CPPED1: variants seen among roughly 807,000 people sequenced by gnomAD.
The protein encoded by CPPED1 is calcineurin like phosphoesterase domain containing 1, also known as serine/threonine-protein phosphatase CPPED1.
A neutral mutation model predicts 28.0 loss-of-function variants in CPPED1; 28 were observed. That is an observed-to-expected ratio of 1.00 (90% CI 0.74 to 1.37). The LOEUF is 1.37. Among genes scored for constraint, CPPED1 ranks in the 40% most tolerant of loss-of-function variants. The pLI is 0.00. For synonymous variants in CPPED1, 198 were observed against 180.2 expected (o/e 1.10, Z -0.79); for missense variants, 504 against 416.5 (o/e 1.21, Z -1.83).
At chr16:12,774,796 G>C (rs2080488410) in intron 2 of CPPED1, among the ~76,000 whole-genome samples, 1 of 151,882 alleles carries the variant, frequency 6.6e-6, no homozygotes, top group Non-Finnish European at 1.5e-5. Context: ...CATGAGAGTG[G>C]GACAGGGTGC....
At chr16:12,772,576 G>GA (rs1483866899) in intron 2 of CPPED1, among the ~76,000 whole-genome samples, 1 of 152,084 alleles carries the variant, frequency 6.6e-6, no homozygotes, top group Non-Finnish European at 1.5e-5. Flanking sequence ...TTTTCATATT[G>GA]AGTCTCTTTG....
At chr16:12,752,189 C>T (rs1036363541) in intron 2 of CPPED1, among the ~76,000 whole-genome samples, 1 of 152,060 alleles carries the variant, frequency 6.6e-6, no homozygotes, top group Non-Finnish European at 1.5e-5. Context: ...TAAAAAGGCT[C>T]CTGCTTTCTT....
chr16:12,766,395 A>G (rs1596477348), intron 2 of CPPED1, among the ~76,000 whole-genome samples: 2 of 151,810 alleles, frequency 1.3e-5, no homozygotes, highest in Non-Finnish European at 2.9e-5. Flanking sequence ...TTGGACTTAC[A>G]GCTTCACGTG....
rs141409688 is a variant in CPPED1 at position 12,696,295 on chromosome 16, G to A, written c.715+8329C>T. ...CGCAAGAAGGACGCCAGCACCCCAG[G>A]GGTGAGAAGCATGCCGGTCTAGCTA... On this transcript the variant is annotated intron_variant, in intron 3 of 3. Transcript: ENST00000381774. Among the ~76,000 whole-genome samples, 279 of 152,220 alleles carry A rather than the reference G, an allele frequency of 1.8e-3. 1 individual carries two copies. Among genetic ancestry groups the A allele is most frequent in the African/African-American group, 6.3e-3 (262 of 41,552 alleles).
At chr16:12,759,212 A>G (rs1009927062) in intron 2 of CPPED1, 20 of 151,178 alleles carry the variant, frequency 1.3e-4, no homozygotes, top group African/African-American at 4.8e-4. Context: ...CTAGAGAACC[A>G]GATTTAAAGC....
At chr16:12,675,739 G>A (rs1044239376) in intron 3 of CPPED1, among the ~76,000 whole-genome samples, 14 of 152,156 alleles carry the variant, frequency 9.2e-5, no homozygotes, top group Non-Finnish European at 1.6e-4. Context: ...CCAGCTTTAC[G>A]TTGCCAGCTA....
chr16:12,674,088 T>C (rs1050299016), intron 3 of CPPED1, among the ~76,000 whole-genome samples: 82 of 152,174 alleles, frequency 5.4e-4, no homozygotes, highest in African/African-American at 1.9e-3. Flanking sequence ...GAGAAACTAC[T>C]AGTGAGCAAA....
At chr16:12,673,675 T>C (rs995830693) in intron 3 of CPPED1, among the ~76,000 whole-genome samples, 1 of 152,166 alleles carries the variant, frequency 6.6e-6, no homozygotes, top group African/African-American at 2.4e-5. Context: ...TCACCAATTA[T>C]TGTTAACGTC....
chr16:12,738,423 T>TCA (rs776958497), intron 2 of CPPED1, among the ~76,000 whole-genome samples: 9 of 151,636 alleles, frequency 5.9e-5, no homozygotes, highest in Non-Finnish European at 1.3e-4. Context: ...ACTTTTATAA[T>TCA]CACACACACA....
intron 2 of CPPED1, among the ~76,000 whole-genome samples, chr16:12,769,414 G>A (rs1596478452): frequency 1.3e-5 from 2 of 152,122 alleles, no homozygotes; most frequent in African/African-American, 4.8e-5. Flanking sequence ...CACAAAATGG[G>A]TTAAGACGCC....
chr16:12,800,843 G>C (rs760539816), intron 1 of CPPED1, among the ~76,000 whole-genome samples: 1 of 151,744 alleles, frequency 6.6e-6, no homozygotes, highest in Admixed American at 6.6e-5. Context: ...CCCTCCCTTC[G>C]TGGCCCAGTT....
chr16:12,801,922 G>C (rs1389968211), intron 1 of CPPED1, among the ~76,000 whole-genome samples: 5 of 151,772 alleles, frequency 3.3e-5, no homozygotes. Context: ...AGAGAATGAG[G>C]AGAAAAGCTG....
chr16:12,801,204 C>T (rs1370078587), intron 1 of CPPED1, among the ~76,000 whole-genome samples: 1 of 152,198 alleles, frequency 6.6e-6, no homozygotes, highest in Non-Finnish European at 1.5e-5. Flanking sequence ...GGCAATTCTC[C>T]TGCCATAGCC....
At chr16:12,726,374 A>C (rs1321330887) in intron 2 of CPPED1, among the ~76,000 whole-genome samples, 13 of 117,572 alleles carry the variant, frequency 1.1e-4, no homozygotes, top group East Asian at 7.5e-4. Context: ...ACAGAGTCTC[A>C]CTCTGTTGCC....
rs141726115 is a variant in CPPED1, at chr16:12,661,608, G to C, written c.*3278C>G. On this transcript the variant is annotated 3_prime_UTR_variant, in exon 4 of 4. Transcript: ENST00000381774. ...TTCCTCCAATTAAAGTGATTAATTG[G>C]AAAGGGGAGCATTAGGTGACATTCC... The C allele has an allele frequency of 3.3e-4, 50 of 152,354 alleles. No individual in the cohort carries two copies. The highest frequency in any genetic ancestry group is 1.1e-3 in the African/African-American group (44 of 41,584). 9.4% of individuals were successfully genotyped at this position (152,354 alleles called of 1,614,324 possible).
chr16:12,751,079 A>C (rs1339037721), intron 2 of CPPED1, among the ~76,000 whole-genome samples: 1 of 152,194 alleles, frequency 6.6e-6, no homozygotes, highest in Non-Finnish European at 1.5e-5. Context: ...AGTATCTATA[A>C]AGTACAATCA....
intron 3 of CPPED1, among the ~76,000 whole-genome samples, chr16:12,677,715 A>C (rs2079884968): frequency 6.6e-6 from 1 of 152,200 alleles, no homozygotes; most frequent in Non-Finnish European, 1.5e-5. Flanking sequence ...GCATCCCATC[A>C]CTTCCGGCTT....
intron 1 of CPPED1, among the ~76,000 whole-genome samples, chr16:12,794,825 A>C (rs531020525): frequency 1.3e-5 from 2 of 152,270 alleles, no homozygotes; most frequent in South Asian, 2.1e-4. Context: ...GAGACACACA[A>C]AAGATTCTGA....
chr16:12,706,458 CCCTT>C (rs150569980), intron 2 of CPPED1, among the ~76,000 whole-genome samples: 6,085 of 148,254 alleles, frequency 0.041, 169 homozygotes, highest in East Asian at 0.1. Context: ...CTGCCTCTCT[CCCTT>C]CCTTCCTTCC....
Sources: allele counts gnomAD v4.1 joint callset (sites outside exome capture counted in the v4.1 genomes callset), GRCh38; gene constraint gnomAD v4.1.1; transcripts MANE v1.5; gene names NCBI Gene and HGNC (gene_info 2026-07-23, HGNC 2026-07-21).